The following EIF4G3 variants were observed in gnomAD, a reference collection of about 807,000 sequenced individuals.
The protein encoded by EIF4G3 is eIF-4-gamma 3.
A neutral mutation model predicts 186.4 loss-of-function variants in EIF4G3; 34 were observed. That is an observed-to-expected ratio of 0.18 (90% CI 0.14 to 0.24). The LOEUF is 0.24. Among genes scored for constraint, EIF4G3 ranks in the 10% least tolerant of loss-of-function variants. The probability of loss-of-function intolerance (pLI) is 1.00; values close to 1 mark genes in which losing one functional copy is unlikely to be tolerated. For synonymous variants in EIF4G3, 673 were observed against 679.5 expected, an observed-to-expected ratio of 0.99 and a Z score of 0.15; for missense variants, 1,536 against 1,948.5, an observed-to-expected ratio of 0.79 and a Z score of 3.99.
In EIF4G3 at chr1:20,810,489, T is replaced by C. The variant is rs980756584; in HGVS notation, c.4744+249A>G. Among the ~76,000 whole-genome samples, 11 of 152,178 alleles carry C rather than the reference T, an allele frequency of 7.2e-5. No homozygotes were observed. Among genetic ancestry groups the C allele is most frequent in the Non-Finnish European group, 1.5e-4 (10 of 68,032 alleles). On this transcript the variant is annotated intron_variant, in intron 36 of 36. Transcript: ENST00000602326. The surrounding 1 kb of genome is among the most constrained non-coding windows in gnomAD (Gnocchi z 4.1). ...TTTTAGTAGGGATAGGGTTTCACCATGTTGGCCAGGCTGGTCTTGAACTCT... is the reference window on the plus strand; with the variant it reads ...TTTTAGTAGGGATAGGGTTTCACCACGTTGGCCAGGCTGGTCTTGAACTCT...
intron 14 of EIF4G3, among the ~76,000 whole-genome samples, chr1:20,937,913 T>C (rs1010475376): frequency 1.3e-4 from 20 of 152,294 alleles, no homozygotes; most frequent in African/African-American, 4.8e-4. Flanking sequence ...GGCCAATAAC[T>C]GAGGCTTTTC....
chr1:21,144,308 G>A (rs1239154843), intron 2 of EIF4G3, among the ~76,000 whole-genome samples: 1 of 152,146 alleles, frequency 6.6e-6, no homozygotes, highest in African/African-American at 2.4e-5. Flanking sequence ...AAGTGCGCTG[G>A]CACAATCATA....
chr1:21,011,422 T>G (rs1349547311), intron 4 of EIF4G3, among the ~76,000 whole-genome samples: 1 of 152,184 alleles, frequency 6.6e-6, no homozygotes, highest in African/African-American at 2.4e-5. Flanking sequence ...CTAGTTTCCC[T>G]AATGGTAATA....
rs146237361 is a variant in EIF4G3, at chr1:20,862,779, A to G, written c.3007-447T>C. Reference sequence around the variant, plus strand: ...CAAAATATAATGTGGTAGAATTTTTATTTGTATTTTTTTGAGACAGGGTCT... The same window carrying G: ...CAAAATATAATGTGGTAGAATTTTTGTTTGTATTTTTTTGAGACAGGGTCT... On this transcript the variant is annotated intron_variant, in intron 22 of 36. Transcript: ENST00000602326. Among the ~76,000 whole-genome samples, 25 of 152,188 alleles carry G rather than the reference A, an allele frequency of 1.6e-4. No homozygotes were observed. In the East Asian group the frequency reaches 4.8e-3, roughly 29 times the overall value.
At chr1:20,850,795 A>G (rs2073051738) in intron 28 of EIF4G3, among the ~76,000 whole-genome samples, 1 of 152,362 alleles carries the variant, frequency 6.6e-6, no homozygotes, top group South Asian at 2.1e-4. Flanking sequence ...CAAGTCCTCT[A>G]AGTATATACA....
intron 12 of EIF4G3, among the ~76,000 whole-genome samples, chr1:20,963,335 A>G (rs754478481): frequency 1.5e-4 from 23 of 152,012 alleles, no homozygotes; most frequent in Non-Finnish European, 2.6e-4. Context: ...ACTGAAAAAA[A>G]TTATCATATA....
At chr1:21,063,011 C>T (rs1199676520) in intron 3 of EIF4G3, among the ~76,000 whole-genome samples, 1 of 152,152 alleles carries the variant, frequency 6.6e-6, no homozygotes, top group Non-Finnish European at 1.5e-5. Flanking sequence ...CCTACTCTGT[C>T]ATCATAAATG....
chr1:20,913,225 A>C (rs569077196), intron 14 of EIF4G3, among the ~76,000 whole-genome samples: 1 of 152,322 alleles, frequency 6.6e-6, no homozygotes, highest in East Asian at 1.9e-4. Flanking sequence ...CTAGCACTAG[A>C]AACAAAACAG....
intron 16 of EIF4G3, among the ~76,000 whole-genome samples, chr1:20,896,051 C>T (rs79098510): frequency 0.013 from 1,950 of 151,968 alleles, 21 homozygotes; most frequent in East Asian, 0.022. Context: ...TGATCTTGAC[C>T]GTGTATAGGC....
At chr1:21,031,018 C>A (rs145121119) in intron 4 of EIF4G3, among the ~76,000 whole-genome samples, 4,982 of 151,748 alleles carry the variant, frequency 0.033, 270 homozygotes, top group African/African-American at 0.11. Flanking sequence ...AAACTCCACC[C>A]CTACTAAAAA....
At chr1:20,995,935 C>T (rs1407632851) in intron 7 of EIF4G3, among the ~76,000 whole-genome samples, 4 of 152,126 alleles carry the variant, frequency 2.6e-5, no homozygotes, top group African/African-American at 7.2e-5. Flanking sequence ...AGTTATTTCT[C>T]AAATAAATAG....
At chr1:21,148,537 C>T (rs1327496594) in intron 2 of EIF4G3, among the ~76,000 whole-genome samples, 3 of 151,910 alleles carry the variant, frequency 2.0e-5, no homozygotes, top group African/African-American at 2.4e-5. Context: ...CCCATCTCTA[C>T]TAAAAATGCA....
At chr1:20,993,063 A>T (rs2154568072) in intron 7 of EIF4G3, among the ~76,000 whole-genome samples, 1 of 152,308 alleles carries the variant, frequency 6.6e-6, no homozygotes, top group South Asian at 2.1e-4. Flanking sequence ...TTTGAAGAAA[A>T]CTGTAATTCT....
intron 16 of EIF4G3, among the ~76,000 whole-genome samples, chr1:20,897,063 G>A (rs955448044): frequency 5.9e-5 from 9 of 152,064 alleles, no homozygotes; most frequent in Non-Finnish European, 1.3e-4. Flanking sequence ...TTCCCTAAGA[G>A]TACAAACCAC....
At chr1:21,174,633 T>A (rs180809038) in intron 2 of EIF4G3, 17 of 152,260 alleles carry the variant, frequency 1.1e-4, no homozygotes, top group Admixed American at 7.8e-4. Flanking sequence ...GTTTAAAAGA[T>A]TCAACACTGA....
chr1:20,972,059 T>C (rs1276615221), intron 11 of EIF4G3, among the ~76,000 whole-genome samples: 2 of 152,220 alleles, frequency 1.3e-5, no homozygotes, highest in Non-Finnish European at 1.5e-5. Flanking sequence ...TTGTCTGTTC[T>C]GTTGCGTAAG....
Position 20,833,440 on chromosome 1 carries a change from T to C in EIF4G3, c.4062-4168A>G, listed in dbSNP as rs1256001060. Among the ~76,000 whole-genome samples the C allele has an allele frequency of 8.5e-5, 13 of 152,290 alleles. No homozygotes were observed. The South Asian group carries it at 2.5e-3, about 29-fold the overall frequency. On this transcript the variant is annotated intron_variant, in intron 30 of 36. Coordinates refer to ENST00000602326, the MANE Select transcript of EIF4G3 (RefSeq NM_001391906.1). ...TGTTGGTGTATAAGAATGCTTGTGATTTTTGTACATTGATTTTGTATCCTG... is the reference window on the plus strand; with the variant it reads ...TGTTGGTGTATAAGAATGCTTGTGACTTTTGTACATTGATTTTGTATCCTG...
At chr1:21,088,406 C>A (rs1227353667) in intron 3 of EIF4G3, among the ~76,000 whole-genome samples, 1 of 146,376 alleles carries the variant, frequency 6.8e-6, no homozygotes, top group African/African-American at 2.5e-5. Context: ...GCAACAAGAG[C>A]AAAACTCCAT....
chr1:21,159,842 T>A (rs1573550904), intron 2 of EIF4G3, among the ~76,000 whole-genome samples: 1 of 147,812 alleles, frequency 6.8e-6, no homozygotes, highest in East Asian at 2.1e-4. Context: ...TGCGGTGGCT[T>A]ACACCTGTAA....
Sources: gnomAD v4.1 joint callset for allele counts (sites outside exome capture counted in the v4.1 genomes callset) on GRCh38, gnomAD v4.1.1 for gene constraint, Gnocchi (gnomAD v3.1) non-coding constraint, MANE v1.5 for transcripts, NCBI Gene and HGNC (gene_info 2026-07-23, HGNC 2026-07-21) for gene names.